Variants in RP1 observed in about 807,000 individuals in gnomAD.
The protein encoded by RP1 is RP1 axonemal microtubule associated.
RP1 carries 16 observed loss-of-function variants against 14.8 expected under a neutral mutation model. The observed-to-expected ratio is 1.08, with a 90% confidence interval of 0.73 to 1.65. The LOEUF is 1.65. Ranked by LOEUF, RP1 falls within the 40% of genes most tolerant of loss-of-function variation. RP1 has a pLI of 0.00. For missense variants in RP1, 2,631 were observed against 2,535.0 expected (o/e 1.04, Z -0.81); for synonymous variants, 876 against 883.6 (o/e 0.99, Z 0.15).
At chr8:54,713,321 A>G (rs750418363) in intron 15 of RP1, among the ~76,000 whole-genome samples, 88 of 152,220 alleles carry the variant, frequency 5.8e-4, no homozygotes, top group Non-Finnish European at 9.8e-4. Context: ...GGCCGTTCAT[A>G]GGGACATTTG....
At chr8:54,745,434 G>A (rs1370656243) in intron 19 of RP1, among the ~76,000 whole-genome samples, 1 of 152,140 alleles carries the variant, frequency 6.6e-6, no homozygotes, top group African/African-American at 2.4e-5. Flanking sequence ...TGTATTTAAC[G>A]ACTTGGTTGA....
intron 1 of RP1, among the ~76,000 whole-genome samples, chr8:54,586,599 A>G (rs1465764814): frequency 6.6e-6 from 1 of 152,180 alleles, no homozygotes; most frequent in Non-Finnish European, 1.5e-5. Context: ...CCAGAGGTGG[A>G]GTCTACAGAG....
intron 25 of RP1, among the ~76,000 whole-genome samples, chr8:54,839,176 G>A (rs967868286): frequency 2.0e-5 from 3 of 152,124 alleles, no homozygotes; most frequent in East Asian, 1.9e-4. Flanking sequence ...GAACAGGTGG[G>A]TTTAAATGCT....
intron 14 of RP1, among the ~76,000 whole-genome samples, chr8:54,705,819 C>CTTTTTT (rs71554175): frequency 7.1e-6 from 1 of 141,308 alleles, no homozygotes. Context: ...CCAATTTTAG[C>CTTTTTT]TTTTTTTTTT....
chr8:54,778,321 CTTTT>C (rs35643905), intron 23 of RP1, among the ~76,000 whole-genome samples: 95 of 96,748 alleles, frequency 9.8e-4, no homozygotes, highest in African/African-American at 3.2e-3. Context: ...GCTTCTTCTT[CTTTT>C]TTTTTTTTTT....
chr8:54,726,047 G>T (rs547889908), intron 16 of RP1, among the ~76,000 whole-genome samples: 1 of 152,238 alleles, frequency 6.6e-6, no homozygotes, highest in South Asian at 2.1e-4. Context: ...TTCCCATTTA[G>T]AATCTATAAG....
At chr8:54,576,108 T>C (rs1203637846) in intron 1 of RP1, among the ~76,000 whole-genome samples, 1 of 150,910 alleles carries the variant, frequency 6.6e-6, no homozygotes, top group Non-Finnish European at 1.5e-5. Context: ...TGGCGCAATC[T>C]CGGCTCACTG....
At chr8:54,708,143 A>AATGTG (rs1808195555) in intron 15 of RP1, among the ~76,000 whole-genome samples, 1 of 152,136 alleles carries the variant, frequency 6.6e-6, no homozygotes, top group African/African-American at 2.4e-5. Flanking sequence ...ACCATGAGAT[A>AATGTG]ATGTGTCACT....
chr8:54,720,714 A>C (rs1036335421), intron 16 of RP1, among the ~76,000 whole-genome samples: 1 of 152,250 alleles, frequency 6.6e-6, no homozygotes, highest in Non-Finnish European at 1.5e-5. Context: ...AAAGATCAAC[A>C]CAATTGGGAT....
intron 24 of RP1, among the ~76,000 whole-genome samples, chr8:54,831,299 C>A (rs1811517887): frequency 6.6e-6 from 1 of 151,818 alleles, no homozygotes; most frequent in South Asian, 2.1e-4. Flanking sequence ...ATAGTGGCTG[C>A]ACCTTATTGT....
At chr8:54,734,466 C>A in intron 17 of RP1, 4 of 1,367,882 alleles carry the variant, frequency 2.9e-6, no homozygotes, top group Non-Finnish European at 3.9e-6. Context: ...TTTTCATGTC[C>A]TTTGGCTCCA....
At chr8:54,741,703 GTGTGTATATATATATATATATATATA>G (rs1247077745) in intron 19 of RP1, among the ~76,000 whole-genome samples, 7 of 87,756 alleles carry the variant, frequency 8.0e-5, no homozygotes, top group African/African-American at 3.6e-4. Flanking sequence ...ATACAAATGT[GTGTGTATATATATATATATATATATA>G]TATATATATA....
Position 54,628,674 on chromosome 8 carries a change from A to T in RP1, c.4792A>T (p.Ser1598Cys). The T allele has an allele frequency of 6.2e-7, 1 of 1,614,114 alleles. No homozygotes were observed. Among genetic ancestry groups the T allele is most frequent in the Non-Finnish European group, 8.5e-7 (1 of 1,179,960 alleles). ...TSDWSDYRPD[S>C]DSEQPYKTSS... ...TGATTGGTCAGACTATCGGCCTGAC[A>T]GTGACAGTGAGCAGCCATATAAAAC... is the stretch of plus-strand genomic sequence containing the variant. Residue 1598 changes from serine (S) to cysteine (C), a missense_variant, in exon 4 of 4, where the codon AGT (serine) becomes TGT (cysteine). Ser to Cys is a moderately radical substitution (Grantham distance 112). Coordinates refer to ENST00000220676, the MANE Select transcript of RP1 (RefSeq NM_006269.2).
intron 7 of RP1, among the ~76,000 whole-genome samples, chr8:54,665,188 A>C (rs1191489371): frequency 6.6e-6 from 1 of 151,968 alleles, no homozygotes; most frequent in Non-Finnish European, 1.5e-5. Flanking sequence ...ACTTAGTTCC[A>C]TTTCTGGAAA....
At chr8:54,604,272 C>G (rs1220887896) in intron 1 of RP1, among the ~76,000 whole-genome samples, 9 of 152,064 alleles carry the variant, frequency 5.9e-5, no homozygotes, top group African/African-American at 1.9e-4. Context: ...TGTCAAAGGC[C>G]TTTTCTGCAT....
chr8:54,696,337 A>G, intron 12 of RP1: 1 of 502,138 alleles, frequency 2.0e-6, no homozygotes, highest in East Asian at 3.4e-5. Context: ...TGTGCTGACA[A>G]TAGTAAGAAA....
intron 27 of RP1, among the ~76,000 whole-genome samples, chr8:54,862,617 A>C (rs1034164641): frequency 6.6e-6 from 1 of 152,178 alleles, no homozygotes; most frequent in Non-Finnish European, 1.5e-5. Flanking sequence ...CCAGCCAGCC[A>C]TCAGGGACCA....
intron 6 of RP1, among the ~76,000 whole-genome samples, chr8:54,660,004 T>C (rs537948374): frequency 6.6e-6 from 1 of 152,142 alleles, no homozygotes; most frequent in Non-Finnish European, 1.5e-5. Context: ...CTTAATTTCT[T>C]TTTGTATTAT....
intron 1 of RP1, among the ~76,000 whole-genome samples, chr8:54,596,419 A>G (rs983518614): frequency 2.0e-5 from 3 of 152,170 alleles, no homozygotes; most frequent in African/African-American, 2.4e-5. Flanking sequence ...TAGCTATCCC[A>G]TGACTCAAAT....
Sources: gnomAD v4.1 joint callset for allele counts (sites outside exome capture counted in the v4.1 genomes callset) on GRCh38, gnomAD v4.1.1 for gene constraint, MANE v1.5 for transcripts, NCBI Gene and HGNC (gene_info 2026-07-23, HGNC 2026-07-21) for gene names.